The following RORC variants were observed in gnomAD, a reference collection of about 807,000 sequenced individuals.
RORC encodes nuclear receptor ROR-gamma.
A neutral mutation model predicts 64.5 loss-of-function variants in RORC; 13 were observed. The observed-to-expected ratio is 0.20, with a 90% CI of 0.13 to 0.32. The LOEUF (loss-of-function observed/expected upper bound fraction) is 0.32. Ranked by LOEUF, RORC falls within the 10% of genes least tolerant of loss-of-function variation. The pLI, the probability that RORC is intolerant of heterozygous loss-of-function variation, is 1.00. For synonymous variants in RORC, 277 were observed against 259.3 expected (o/e 1.07, Z -0.65); for missense variants, 468 against 669.5 (o/e 0.70, Z 3.32).
At position 151,815,178 on chromosome 1, in the gene RORC, A is replaced by G. The variant is rs1651709493; in HGVS notation, c.546T>C (p.Ser182=). 6.2e-7 allele frequency: 1 copy of G among 1,613,916 alleles called. No individual in the cohort carries two copies. The highest frequency in any genetic ancestry group is 1.3e-5 in the African/African-American group (1 of 74,954). ...CPPGLLKASG[S]GPSYSNNLAK... is the part of the protein sequence containing the mutation. ...CCAAGTTGTTGGAATATGAGGGCCC[A>G]GAGCCTGAGGCTTTCAGGAGGCCAG... The change falls in exon 5 of 11, where the codon TCT becomes TCC. Residue 182 remains serine (S), a synonymous_variant. Transcript: ENST00000318247.
In RORC at chr1:151,828,777, G is replaced by A. The variant is rs1652290493; in HGVS notation, c.70+652C>T. Among the ~76,000 whole-genome samples the A allele has an allele frequency of 2.0e-5, 3 of 152,120 alleles. No individual in the cohort carries two copies. The South Asian group carries it at 6.2e-4, about 31-fold the overall frequency. The stretch of plus-strand genomic sequence containing the variant: ...GGGTGGATCACAAGGTCAAGAGTCT[G>A]AGACCAGCCTGACCAACATGGTGAA... On this transcript the variant is annotated intron_variant, in intron 2 of 10. Transcript: ENST00000318247.
intron 10 of RORC, among the ~76,000 whole-genome samples, chr1:151,810,229 A>C (rs1651466567): frequency 6.6e-6 from 1 of 150,946 alleles, no homozygotes; most frequent in East Asian, 1.9e-4. Context: ...ATTTTTTTTC[A>C]TTTTTTTTGT....
chr1:151,809,752 G>A (rs1651448053), intron 10 of RORC, among the ~76,000 whole-genome samples: 1 of 152,216 alleles, frequency 6.6e-6, no homozygotes, highest in Non-Finnish European at 1.5e-5. Context: ...GACCGTGTAA[G>A]TCATTGCTGT....
rs770847369 is a variant in RORC at position 151,813,342 on chromosome 1, T to C, written c.1071A>G (p.Ala357=). 1.2e-6 allele frequency: 2 copies of C among 1,613,862 alleles called. No homozygotes were observed. The highest frequency in any genetic ancestry group is 1.7e-6 in the Non-Finnish European group (2 of 1,179,888). ...NDQIVLLKAG[A]MEVVLVRMCR... ...ACATCCTAACCAGCACCACTTCCAT[T>C]GCTCCTGGGCAGTGGGGAGAGAAGA... Residue 357 remains alanine (A), a synonymous_variant, in exon 8 of 11, where the codon GCA becomes GCG. Transcript: ENST00000318247.
intron 2 of RORC, among the ~76,000 whole-genome samples, chr1:151,818,618 G>C (rs191069484): frequency 6.6e-6 from 1 of 152,300 alleles, no homozygotes; most frequent in East Asian, 1.9e-4. Context: ...AGAGCACATG[G>C]GTCTCTTTTC....
At chr1:151,815,508 G>T (rs776559701) in intron 4 of RORC, 83 bp from the exon 5 acceptor site, 8 of 1,468,682 alleles carry the variant, frequency 5.4e-6, no homozygotes, top group Non-Finnish European at 7.2e-6. Flanking sequence ...GGTCATTAAA[G>T]GATTAACTTG....
In RORC at chr1:151,806,767, G is replaced by T. The variant is rs1244911685; in HGVS notation, c.*705C>A. The T allele has an allele frequency of 6.6e-6, 1 of 152,186 alleles. No individual in the cohort carries two copies. Among genetic ancestry groups the T allele is most frequent in the Admixed American group, 6.5e-5 (1 of 15,286 alleles). 9.4% of individuals were successfully genotyped at this position (152,186 alleles called of 1,614,324 possible). On this transcript the variant is annotated 3_prime_UTR_variant, in exon 11 of 11. Transcript: ENST00000318247. ...TCTATCTTTAAAGTGCACATAAGAG[G>T]TTTGAGTTTTAACTCTATGTCTGAG...
Position 151,816,651 on chromosome 1 carries a change from G to C in RORC, c.298+13C>G, listed in dbSNP as rs200047866. 8.8e-6 allele frequency: 14 copies of C among 1,598,462 alleles called. No individual in the cohort carries two copies. The highest frequency in any genetic ancestry group is 1.2e-5 in the Non-Finnish European group (14 of 1,173,046). On this transcript the variant is annotated intron_variant, in intron 4 of 10. Transcript: ENST00000318247. ...ACCAGGAAAACCCCAGGGGGCTGTCGACTTGGCCTCACCATCTCGGGACAT... is the reference window on the plus strand; with the variant it reads ...ACCAGGAAAACCCCAGGGGGCTGTCCACTTGGCCTCACCATCTCGGGACAT...
rs1295983925 is a variant in RORC at position 151,813,118 on chromosome 1, C to T, written c.1175-61G>A. 34 of 1,472,334 alleles carry T rather than the reference C, an allele frequency of 2.3e-5. 1 individual carries two copies. Among genetic ancestry groups the T allele is most frequent in the South Asian group, 9.2e-5 (8 of 87,240 alleles). The allele number at this position is 1,472,334 out of a possible 1,614,324, so 91.2% of individuals were successfully genotyped here. On this transcript the variant is annotated intron_variant, in intron 8 of 10. Transcript: ENST00000318247. The stretch of plus-strand genomic sequence containing the variant: ...CTGGAGCGATGGTGCCCGAGGACAC[C>T]GCCCTTATTGTGTTTAGAGCAGAGG...
chr1:151,830,659 C>CACACACACACACACACAA lies in RORC; in HGVS notation c.40+1065_40+1066insTTGTGTGTGTGTGTGTGT. Among the ~76,000 whole-genome samples the CACACACACACACACACAA allele has an allele frequency of 2.2e-5, 3 of 139,156 alleles. No homozygotes were observed. Among genetic ancestry groups the CACACACACACACACACAA allele is most frequent in the South Asian group, 2.4e-4 (1 of 4,218 alleles). The allele number at this position is 139,156 out of a possible 152,430, so 91.3% of individuals were successfully genotyped here. A position where few individuals can be genotyped will look rare whatever the true frequency, so the allele number is the denominator to read the frequency against. Reference sequence around the variant, plus strand: ...ACACACACACACACACACACACACACACAGTGCCCTTCTGCCCGGGAGATG... The same window carrying CACACACACACACACACAA: ...ACACACACACACACACACACACACACACACACACACACACACAAACAGTGCCCTTCTGCCCGGGAGATG... On this transcript the variant is annotated intron_variant, in intron 1 of 10. Coordinates refer to ENST00000318247, the MANE Select transcript of RORC (RefSeq NM_005060.4). The surrounding 1 kb of genome is among the most constrained non-coding windows in gnomAD (Gnocchi z 4.0).
Position 151,814,992 on chromosome 1 carries a change from C to T in RORC, c.732G>A (p.Leu244=), listed in dbSNP as rs1202847381. 10 of 1,614,074 alleles carry T rather than the reference C, an allele frequency of 6.2e-6. 1 individual carries two copies. The highest frequency in any genetic ancestry group is 8.5e-6 in the Non-Finnish European group (10 of 1,180,032). The part of the protein sequence containing the change: ...EEHRHPGLGE[L]GQGPDSYGSP... ...TGCCGTAGCTGTCTGGGCCCTGTCC[C>T]AGTTCCCCAAGCCCAGGATGCCTGT... The change falls in exon 5 of 11, where the codon CTG becomes CTA. Residue 244 remains leucine (L), a synonymous_variant. Coordinates refer to ENST00000318247, the MANE Select transcript of RORC (RefSeq NM_005060.4).
At chr1:151,825,217 C>T (rs7540799) in intron 2 of RORC, among the ~76,000 whole-genome samples, 16,906 of 152,104 alleles carry the variant, frequency 0.11, 1,315 homozygotes, top group Admixed American at 0.22. Context: ...CCTTGCTTCC[C>T]CGGTCAAATG....
chr1:151,827,547 A>C (rs1019360967), intron 2 of RORC, among the ~76,000 whole-genome samples: 6 of 151,936 alleles, frequency 3.9e-5, no homozygotes, highest in Non-Finnish European at 8.8e-5. Context: ...TTGGACCCCC[A>C]TCTTGGGGTT....
intron 2 of RORC, among the ~76,000 whole-genome samples, chr1:151,827,941 T>G (rs1438036281): frequency 7.3e-6 from 1 of 136,712 alleles, no homozygotes; most frequent in Admixed American, 7.2e-5. Context: ...CCCACCCACA[T>G]AAGGTCCGTG....
In RORC at chr1:151,815,027, A is replaced by G. The variant is rs1007714530; in HGVS notation, c.697T>C (p.Phe233Leu). Residue 233 changes from phenylalanine (F) to leucine (L), a missense_variant, in exon 5 of 11, where the codon TTT becomes CTT. Phe to Leu is a conservative substitution (Grantham distance 22). This residue lies in a region of RORC where 241 missense variants were observed against 295.5 expected (regional missense o/e 0.82). Coordinates refer to ENST00000318247, the MANE Select transcript of RORC (RefSeq NM_005060.4). ...QLTPDRCGLR[F>L]EEHRHPGLGE... ...AGCCCAGGATGCCTGTGTTCCTCAAAACGAAGTCCACATCGGTCAGGGGTC... is the reference window on the plus strand; with the variant it reads ...AGCCCAGGATGCCTGTGTTCCTCAAGACGAAGTCCACATCGGTCAGGGGTC... The G allele has an allele frequency of 3.1e-6, 5 of 1,614,010 alleles. No homozygotes were observed. The African/African-American group carries it at 5.3e-5, about 17-fold the overall frequency.
chr1:151,822,634 C>T (rs1558168793), intron 2 of RORC, among the ~76,000 whole-genome samples: 1 of 152,160 alleles, frequency 6.6e-6, no homozygotes, highest in Non-Finnish European at 1.5e-5. Context: ...GAGTGGGAGC[C>T]CAGACGTCAC....
intron 2 of RORC, among the ~76,000 whole-genome samples, chr1:151,825,184 T>G (rs1202607981): frequency 1.3e-5 from 2 of 151,982 alleles, no homozygotes; most frequent in Non-Finnish European, 2.9e-5. Flanking sequence ...GAGGCCGAGG[T>G]CTTTCCAATC....
At chr1:151,808,223 C>A (rs1651389829) in intron 10 of RORC, among the ~76,000 whole-genome samples, 1 of 152,190 alleles carries the variant, frequency 6.6e-6, no homozygotes, top group Admixed American at 6.5e-5. Context: ...TAATGCTTAG[C>A]ACATGGCACA....
intron 2 of RORC, 55 bp downstream of exon 2, chr1:151,829,374 T>G: frequency 6.7e-7 from 1 of 1,490,996 alleles, no homozygotes; most frequent in Non-Finnish European, 9.0e-7. Flanking sequence ...CTTGCTGAAT[T>G]ATTCTCCATC....
Sources: gnomAD v4.1 joint callset for allele counts (sites outside exome capture counted in the v4.1 genomes callset) on GRCh38, gnomAD v4.1.1 for gene constraint, gnomAD v4.1.1 regional missense constraint, Gnocchi (gnomAD v3.1) non-coding constraint, MANE v1.5 for transcripts, NCBI Gene and HGNC (gene_info 2026-07-23, HGNC 2026-07-21) for gene names.